The following ZSWIM6 variants were observed in gnomAD, a reference collection of about 807,000 sequenced individuals.
ZSWIM6 encodes the protein zinc finger SWIM-type containing 6, also known as zinc finger SWIM domain-containing protein 6.
A neutral mutation model predicts 113.2 loss-of-function variants in ZSWIM6; 9 were observed. The ratio of observed to expected loss-of-function variants is 0.08; its 90% CI spans 0.05 to 0.14. The LOEUF is 0.14. Ranked by LOEUF, ZSWIM6 falls within the 10% of genes least tolerant of loss-of-function variation. The pLI is 1.00. For synonymous variants in ZSWIM6, 611 were observed against 606.5 expected (o/e 1.01, Z -0.11); for missense variants, 1,162 against 1,552.2 (o/e 0.75, Z 4.22).
At chr5:61,427,558 A>G (rs1471435609) in intron 1 of ZSWIM6, among the ~76,000 whole-genome samples, 1 of 152,030 alleles carries the variant, frequency 6.6e-6, no homozygotes, top group Non-Finnish European at 1.5e-5. Flanking sequence ...AACTTATTGC[A>G]ACCTTGAACT....
intron 1 of ZSWIM6, among the ~76,000 whole-genome samples, chr5:61,440,878 G>A (rs1746815439): frequency 6.6e-6 from 1 of 152,178 alleles, no homozygotes; most frequent in Non-Finnish European, 1.5e-5. Context: ...GGAACAGACA[G>A]GCATATAAAC....
chr5:61,384,462 AAAGT>A (rs1283375130), intron 1 of ZSWIM6, among the ~76,000 whole-genome samples: 7 of 152,286 alleles, frequency 4.6e-5, no homozygotes, highest in African/African-American at 4.8e-5. Context: ...GGGAAGAAAG[AAAGT>A]TTCACAAAGG....
chr5:61,528,271 A>C (rs910916154), intron 7 of ZSWIM6, among the ~76,000 whole-genome samples: 136 of 152,170 alleles, frequency 8.9e-4, no homozygotes, highest in African/African-American at 3.1e-3. Flanking sequence ...CTGAAAAAAA[A>C]CAGATTTATT....
intron 1 of ZSWIM6, among the ~76,000 whole-genome samples, chr5:61,426,141 C>A (rs1235967758): frequency 6.6e-6 from 1 of 152,166 alleles, no homozygotes. Flanking sequence ...TAGGCCATTG[C>A]ATGATTTGCA....
chr5:61,455,754 G>T (rs973085795), intron 1 of ZSWIM6, among the ~76,000 whole-genome samples: 1 of 152,078 alleles, frequency 6.6e-6, no homozygotes, highest in Non-Finnish European at 1.5e-5. Flanking sequence ...TGATAACTTT[G>T]TGTCATTAAG....
Position 61,437,496 on chromosome 5 carries a change from G to A in ZSWIM6, c.677-35185G>A, listed in dbSNP as rs185428490. Among the ~76,000 whole-genome samples, 28 of 152,186 alleles carry A rather than the reference G, an allele frequency of 1.8e-4. No individual in the cohort carries two copies. The East Asian group carries it at 5.0e-3, about 27-fold the overall frequency. On this transcript the variant is annotated intron_variant, in intron 1 of 13. Coordinates refer to ENST00000252744, the MANE Select transcript of ZSWIM6 (RefSeq NM_020928.2). ...CTAGCACTTTGGGAAGCTGAGGTGG[G>A]CAGATTGCTTGAGCCCAGGACTTCA...
In ZSWIM6 at chr5:61,543,440, T is replaced by C. The variant is rs1258267985; in HGVS notation, c.2786-15T>C. 2 of 1,542,044 alleles carry C rather than the reference T, an allele frequency of 1.3e-6. No individual in the cohort carries two copies. Among genetic ancestry groups the C allele is most frequent in the Non-Finnish European group, 1.8e-6 (2 of 1,141,682 alleles). On this transcript the variant is annotated splice_polypyrimidine_tract_variant and intron_variant, in intron 13 of 13. Coordinates refer to ENST00000252744, the MANE Select transcript of ZSWIM6 (RefSeq NM_020928.2). The surrounding 1 kb of genome is among the most constrained non-coding windows in gnomAD (Gnocchi z 4.3). ...CCTCCTCGTCAGTAATAGAGCCTGT[T>C]TGTGTTCCTTGCAGGGGTTTATGCC...
chr5:61,414,873 C>T (rs544713155), intron 1 of ZSWIM6, among the ~76,000 whole-genome samples: 10 of 152,160 alleles, frequency 6.6e-5, no homozygotes, highest in South Asian at 4.1e-4. Context: ...AGATGAGTTA[C>T]GATAAAAAAT....
intron 1 of ZSWIM6, among the ~76,000 whole-genome samples, chr5:61,364,695 T>G (rs969236318): frequency 6.6e-6 from 1 of 152,136 alleles, no homozygotes; most frequent in Non-Finnish European, 1.5e-5. Flanking sequence ...GTGGGCCCTA[T>G]TCCTGGTTCG....
intron 1 of ZSWIM6, among the ~76,000 whole-genome samples, chr5:61,437,530 C>T (rs1458669847): frequency 6.6e-6 from 1 of 151,948 alleles, no homozygotes; most frequent in Non-Finnish European, 1.5e-5. Flanking sequence ...CAAGACCAGC[C>T]TGCGCAACAT....
At chr5:61,540,511 G>T (rs1396551255) in intron 12 of ZSWIM6, among the ~76,000 whole-genome samples, 1 of 152,238 alleles carries the variant, frequency 6.6e-6, no homozygotes, top group East Asian at 1.9e-4. Flanking sequence ...TTTAGTTGTG[G>T]ATTCTCCCTT....
chr5:61,473,220 A>G (rs1193414561), intron 2 of ZSWIM6, among the ~76,000 whole-genome samples, 183 bp downstream of exon 2: 1 of 152,194 alleles, frequency 6.6e-6, no homozygotes, highest in African/African-American at 2.4e-5. Flanking sequence ...CGTGTTAGGT[A>G]CCAAGGCTTT....
At chr5:61,433,312 A>G (rs1746624545) in intron 1 of ZSWIM6, among the ~76,000 whole-genome samples, 1 of 152,078 alleles carries the variant, frequency 6.6e-6, no homozygotes, top group Non-Finnish European at 1.5e-5. Context: ...GTCAAAGAAG[A>G]AGTTTCCTAT....
intron 1 of ZSWIM6, among the ~76,000 whole-genome samples, chr5:61,352,518 A>G (rs1744813178): frequency 6.6e-6 from 1 of 152,210 alleles, no homozygotes; most frequent in African/African-American, 2.4e-5. Context: ...CAGTGGTTCC[A>G]TCTATCTATT....
At position 61,511,928 on chromosome 5, in the gene ZSWIM6, T is replaced by C. The variant is rs369778816; in HGVS notation, c.1334-9335T>C. 3.9e-5 allele frequency among the ~76,000 whole-genome samples: 6 copies of C among 152,232 alleles called. No homozygotes were observed. The East Asian group carries it at 9.7e-4, about 24-fold the overall frequency. On this transcript the variant is annotated intron_variant, in intron 4 of 13. Coordinates refer to ENST00000252744, the MANE Select transcript of ZSWIM6 (RefSeq NM_020928.2). ...GCACGCAATAAATGGTGACTATTAATGGGAATATGATTATTTAATTTTTAA... is the reference window on the plus strand; with the variant it reads ...GCACGCAATAAATGGTGACTATTAACGGGAATATGATTATTTAATTTTTAA...
At chr5:61,460,264 C>T (rs1303003001) in intron 1 of ZSWIM6, among the ~76,000 whole-genome samples, 1 of 152,086 alleles carries the variant, frequency 6.6e-6, no homozygotes, top group Non-Finnish European at 1.5e-5. Context: ...CTCAGTTGAG[C>T]CCATAGTTCT....
At position 61,332,797 on chromosome 5, in the gene ZSWIM6, C is replaced by CGCT. The variant is rs1744291283; in HGVS notation, c.527_528insTGC (p.Ala184dup). The CGCT allele has an allele frequency of 2.2e-5, 19 of 851,092 alleles. No individual in the cohort carries two copies. The highest frequency in any genetic ancestry group is 4.2e-6 in the Non-Finnish European group (3 of 715,864). 52.7% of individuals were successfully genotyped at this position (851,092 alleles called of 1,614,324 possible). ...CCTCGGCCGCCGCCGCCGCTGCCGC[C>CGCT]GCCGCCGCCGCCGCCGCCGCCGCCG... On this transcript the variant is annotated inframe_insertion, in exon 1 of 14. Transcript: ENST00000252744.
intron 1 of ZSWIM6, among the ~76,000 whole-genome samples, chr5:61,341,405 T>C (rs913128205): frequency 6.6e-6 from 1 of 152,256 alleles, no homozygotes; most frequent in African/African-American, 2.4e-5. Context: ...CAATGTTTAA[T>C]ATTAGAAGTG....
At chr5:61,359,108 A>G (rs577078823) in intron 1 of ZSWIM6, among the ~76,000 whole-genome samples, 2 of 152,340 alleles carry the variant, frequency 1.3e-5, no homozygotes, top group East Asian at 3.9e-4. Context: ...CTTAAGAAGA[A>G]TAAGAGAAGT....
Sources: gnomAD v4.1 joint callset for allele counts (sites outside exome capture counted in the v4.1 genomes callset) on GRCh38, gnomAD v4.1.1 for gene constraint, Gnocchi (gnomAD v3.1) non-coding constraint, MANE v1.5 for transcripts, NCBI Gene and HGNC (gene_info 2026-07-23, HGNC 2026-07-21) for gene names.